The following CNST variants were observed in gnomAD, a reference collection of about 807,000 sequenced individuals.
CNST encodes the protein consortin, connexin sorting protein.
A neutral mutation model predicts 72.4 loss-of-function variants in CNST; 39 were observed. The observed-to-expected ratio is 0.54, with a 90% CI of 0.42 to 0.70. The LOEUF (loss-of-function observed/expected upper bound fraction) is 0.70, where lower values mean the gene tolerates loss of function less well. Among genes scored for constraint, CNST ranks in the 30% least tolerant of loss-of-function variants. The pLI is 0.00. For synonymous variants in CNST, 332 were observed against 320.1 expected, an observed-to-expected ratio of 1.04 and a Z score of -0.40; for missense variants, 871 against 868.5, an observed-to-expected ratio of 1.00 and a Z score of -0.04.
In CNST at chr1:246,665,916, GAC is replaced by G; in HGVS notation, c.*15_*16del. 1 of 1,583,586 alleles carries G rather than the reference GAC, an allele frequency of 6.3e-7. No homozygotes were observed. The highest frequency in any genetic ancestry group is 8.7e-7 in the Non-Finnish European group (1 of 1,153,958). ...ATCTACCTCTCCTAGCAGCATTCCA[GAC>G]ACAGACATGCTGGCAGTGAGAGTGA... is the stretch of plus-strand genomic sequence containing the variant. On this transcript the variant is annotated 3_prime_UTR_variant, in exon 11 of 11. Transcript: ENST00000366513.
At chr1:246,581,080 G>A (rs757149944) in intron 1 of CNST, among the ~76,000 whole-genome samples, 11 of 152,002 alleles carry the variant, frequency 7.2e-5, no homozygotes, top group East Asian at 1.9e-4. Flanking sequence ...GTAATTCATC[G>A]AAATATCCAC....
rs199707627 is a variant in CNST, at chr1:246,647,812, C to T, written c.1611C>T (p.Asp537=). ...CMAPEEKGDK[D]DQLNKETEDY... ...CCCCAGAGGAAAAGGGAGATAAAGA[C>T]GACCAACTCAACAAAGAAACAGAAG... Residue 537 remains aspartate (D), a synonymous_variant, in exon 9 of 11, where the codon GAC becomes GAT. Coordinates refer to ENST00000366513, the MANE Select transcript of CNST (RefSeq NM_152609.3). 4.1e-4 allele frequency: 669 copies of T among 1,614,074 alleles called. 10 individuals are homozygous for T. In the South Asian group the frequency reaches 4.6e-3, roughly 11 times the overall value.
intron 1 of CNST, among the ~76,000 whole-genome samples, chr1:246,571,335 A>T (rs1182699298): frequency 6.6e-6 from 1 of 152,116 alleles, no homozygotes; most frequent in African/African-American, 2.4e-5. Flanking sequence ...TTTTTAGTAG[A>T]GACAGGGTTT....
chr1:246,667,754 ACCT>A lies in CNST; in HGVS notation c.*1854_*1856del, dbSNP rs540489968. Reference sequence around the variant, plus strand: ...TGATGGACATCCTCATCATAGACAAACCTCCTCTGTTTTATCCTCAATTTCTAG... The same window carrying A: ...TGATGGACATCCTCATCATAGACAAACCTCTGTTTTATCCTCAATTTCTAG... On this transcript the variant is annotated 3_prime_UTR_variant, in exon 11 of 11. Transcript: ENST00000366513. 310 of 152,232 alleles carry A rather than the reference ACCT, an allele frequency of 2.0e-3. 1 individual carries two copies. The highest frequency in any genetic ancestry group is 7.1e-3 in the African/African-American group (295 of 41,552). 9.4% of individuals were successfully genotyped at this position (152,232 alleles called of 1,614,324 possible). A position where few individuals can be genotyped will look rare whatever the true frequency, so the allele number is the denominator to read the frequency against.
At chr1:246,627,043 T>TGCTA (rs1382122408) in intron 3 of CNST, among the ~76,000 whole-genome samples, 3 of 152,216 alleles carry the variant, frequency 2.0e-5, no homozygotes, top group African/African-American at 7.2e-5. Context: ...CCTCTTTCAC[T>TGCTA]GCTACCATTT....
At chr1:246,599,807 T>C (rs1339808666) in intron 2 of CNST, among the ~76,000 whole-genome samples, 1 of 152,238 alleles carries the variant, frequency 6.6e-6, no homozygotes, top group African/African-American at 2.4e-5. Context: ...TTCTTCACTT[T>C]ATAAAAGTTT....
At chr1:246,594,629 C>T (rs1002788514) in intron 2 of CNST, among the ~76,000 whole-genome samples, 1 of 152,014 alleles carries the variant, frequency 6.6e-6, no homozygotes, top group African/African-American at 2.4e-5. Context: ...ATTAGCTGGG[C>T]CTGGTGGCAT....
chr1:246,664,711 C>A lies in CNST; in HGVS notation c.1973-989C>A, dbSNP rs1034560138. Among the ~76,000 whole-genome samples, 14 of 152,280 alleles carry A rather than the reference C, an allele frequency of 9.2e-5. No homozygotes were observed. In the East Asian group the frequency reaches 2.5e-3, roughly 27 times the overall value. On this transcript the variant is annotated intron_variant, in intron 10 of 10. Coordinates refer to ENST00000366513, the MANE Select transcript of CNST (RefSeq NM_152609.3). ...AAAGTGCTGGGATTACAGGCGTGAG[C>A]CACCACACCCAGCCTTAACACTGTC...
At chr1:246,582,102 A>G (rs1050202924) in intron 1 of CNST, among the ~76,000 whole-genome samples, 2 of 152,218 alleles carry the variant, frequency 1.3e-5, no homozygotes, top group Admixed American at 6.5e-5. Flanking sequence ...ATTTAGCAAG[A>G]TGAAATTTTT....
intron 2 of CNST, among the ~76,000 whole-genome samples, chr1:246,619,246 A>G (rs928556774): frequency 6.6e-6 from 1 of 152,176 alleles, no homozygotes; most frequent in Admixed American, 6.5e-5. Flanking sequence ...TTTTGCTGCT[A>G]TGGTGGTTAG....
chr1:246,585,657 A>AT (rs1661100044), intron 1 of CNST, among the ~76,000 whole-genome samples: 2 of 77,864 alleles, frequency 2.6e-5, no homozygotes, highest in African/African-American at 1.3e-4. Context: ...AAAAAAAAAA[A>AT]AAAAAATATA....
intron 9 of CNST, among the ~76,000 whole-genome samples, chr1:246,651,517 C>T (rs1413132253): frequency 6.6e-6 from 1 of 152,194 alleles, no homozygotes; most frequent in African/African-American, 2.4e-5. Context: ...ATTGCCAGCC[C>T]AGTGCAAGCA....
intron 10 of CNST, among the ~76,000 whole-genome samples, chr1:246,664,012 A>G (rs1331428327): frequency 2.6e-5 from 4 of 152,220 alleles, no homozygotes; most frequent in Non-Finnish European, 2.9e-5. Flanking sequence ...TCTATTTGGT[A>G]TCCATTAGGT....
At chr1:246,571,914 T>A (rs982972502) in intron 1 of CNST, among the ~76,000 whole-genome samples, 1 of 152,264 alleles carries the variant, frequency 6.6e-6, no homozygotes, top group South Asian at 2.1e-4. Context: ...GTATTAAATT[T>A]TCTTATGAGA....
intron 10 of CNST, among the ~76,000 whole-genome samples, chr1:246,664,592 G>GGTTA (rs1667293829): frequency 1.3e-5 from 2 of 151,914 alleles, no homozygotes; most frequent in Admixed American, 6.6e-5. Context: ...ACGCCCAGCT[G>GGTTA]ATTTTTTATA....
chr1:246,585,655 A>C (rs75637823), intron 1 of CNST, among the ~76,000 whole-genome samples: 1 of 83,850 alleles, frequency 1.2e-5, no homozygotes, highest in Non-Finnish European at 2.1e-5. Context: ...AAAAAAAAAA[A>C]AAAAAAAATA....
chr1:246,590,952 G>A (rs977681481), intron 1 of CNST, among the ~76,000 whole-genome samples: 2 of 148,984 alleles, frequency 1.3e-5, no homozygotes, highest in Non-Finnish European at 1.5e-5. Context: ...AAAATAAAAC[G>A]ATAGTATAAA....
chr1:246,618,810 C>T (rs148624472), intron 2 of CNST, among the ~76,000 whole-genome samples: 2,335 of 152,254 alleles, frequency 0.015, 22 homozygotes, highest in Middle Eastern at 0.037. Context: ...CATTACAAAT[C>T]GATGCTAACT....
chr1:246,657,056 G>T (rs1457578230), intron 9 of CNST, among the ~76,000 whole-genome samples: 1 of 152,170 alleles, frequency 6.6e-6, no homozygotes, highest in Non-Finnish European at 1.5e-5. Flanking sequence ...CCCAAACCGA[G>T]ACCATGACTT....
Sources: allele counts gnomAD v4.1 joint callset (sites outside exome capture counted in the v4.1 genomes callset), GRCh38; gene constraint gnomAD v4.1.1; transcripts MANE v1.5; gene names NCBI Gene and HGNC (gene_info 2026-07-23, HGNC 2026-07-21).